The following FER variants were observed in gnomAD, a reference collection of about 807,000 sequenced individuals.
FER encodes FER tyrosine kinase.
A neutral mutation model predicts 111.0 loss-of-function variants in FER; 63 were observed. That is an observed-to-expected ratio of 0.57 (90% CI 0.46 to 0.70). The LOEUF (loss-of-function observed/expected upper bound fraction) is 0.70. FER is among the 30% of genes least tolerant of loss of function. The pLI is 0.00. For missense variants in FER, 914 were observed against 954.0 expected (o/e 0.96, Z 0.55); for synonymous variants, 327 against 313.9 (o/e 1.04, Z -0.44).
chr5:108,810,435 A>T (rs1257499390), intron 3 of FER, among the ~76,000 whole-genome samples: 1 of 152,208 alleles, frequency 6.6e-6, no homozygotes, highest in Non-Finnish European at 1.5e-5. Flanking sequence ...CGGACTGGGC[A>T]GGCCTGCCTA....
intron 16 of FER, among the ~76,000 whole-genome samples, chr5:109,092,285 A>C (rs1303367858): frequency 1.3e-4 from 1 of 7,610 alleles, no homozygotes; most frequent in Non-Finnish European, 3.1e-4. Flanking sequence ...TTATGATGGC[A>C]AAAAAAAAAA....
chr5:108,933,569 C>T (rs926781821), intron 10 of FER, among the ~76,000 whole-genome samples: 1 of 152,102 alleles, frequency 6.6e-6, no homozygotes, highest in African/African-American at 2.4e-5. Context: ...ATTATCTTGG[C>T]TGTATAGGCT....
intron 10 of FER, among the ~76,000 whole-genome samples, chr5:108,912,056 A>G (rs1463417782): frequency 1.3e-5 from 2 of 151,988 alleles, no homozygotes; most frequent in Non-Finnish European, 2.9e-5. Context: ...CTTGGCTCTC[A>G]TTCTCTCGTC....
chr5:108,983,628 T>G (rs919974483), intron 13 of FER, among the ~76,000 whole-genome samples: 7 of 152,170 alleles, frequency 4.6e-5, no homozygotes, highest in Admixed American at 3.3e-4. Context: ...ATGGAATTCC[T>G]AAGTTGAGAG....
At chr5:108,962,238 C>T (rs1561683810) in intron 13 of FER, among the ~76,000 whole-genome samples, 2 of 152,146 alleles carry the variant, frequency 1.3e-5, no homozygotes, top group Non-Finnish European at 2.9e-5. Context: ...CTTGTGTAAA[C>T]ATATGGAAGA....
At chr5:108,927,250 C>CTTTTTTTTTTTTTTTTTTT (rs773963733) in intron 10 of FER, among the ~76,000 whole-genome samples, 9 of 95,372 alleles carry the variant, frequency 9.4e-5, no homozygotes, top group South Asian at 2.6e-4. Flanking sequence ...TGAGAAGTGG[C>CTTTTTTTTTTTTTTTTTTT]TCTTTTTTTT....
intron 13 of FER, among the ~76,000 whole-genome samples, chr5:109,012,004 A>T (rs982315748): frequency 1.3e-5 from 2 of 152,122 alleles, no homozygotes; most frequent in African/African-American, 4.8e-5. Flanking sequence ...TTTTCTCCCC[A>T]GCAGAGCCTA....
At chr5:109,029,245 C>CT (rs367692424) in intron 13 of FER, among the ~76,000 whole-genome samples, 7,581 of 125,846 alleles carry the variant, frequency 0.06, 265 homozygotes, top group South Asian at 0.11. Context: ...TTCTTCTTAC[C>CT]TTTTTTTTTT....
At chr5:109,033,693 T>C (rs1769963405) in intron 13 of FER, among the ~76,000 whole-genome samples, 1 of 152,128 alleles carries the variant, frequency 6.6e-6, no homozygotes, top group African/African-American at 2.4e-5. Flanking sequence ...CCCATCTTTA[T>C]CCAATTTAAC....
At chr5:109,051,962 C>T in intron 16 of FER, 1 of 1,590,322 alleles carries the variant, frequency 6.3e-7, no homozygotes, top group Non-Finnish European at 8.6e-7. Flanking sequence ...AAGGTCACCT[C>T]AAAGATAGAC....
intron 10 of FER, among the ~76,000 whole-genome samples, chr5:108,930,699 T>C (rs1390676697): frequency 6.9e-6 from 1 of 145,870 alleles, no homozygotes; most frequent in East Asian, 2.1e-4. Context: ...CTGCAACCTC[T>C]GTCTCCTGAG....
chr5:108,986,888 G>T (rs1051996464), intron 13 of FER, among the ~76,000 whole-genome samples: 3 of 152,046 alleles, frequency 2.0e-5, no homozygotes, highest in Non-Finnish European at 2.9e-5. Context: ...GATGCCTCCA[G>T]ATTTGTTCTT....
At chr5:109,042,530 G>C (rs767965731) in intron 14 of FER, among the ~76,000 whole-genome samples, 1 of 152,164 alleles carries the variant, frequency 6.6e-6, no homozygotes, top group East Asian at 1.9e-4. Flanking sequence ...CCTGACCACC[G>C]TTGATAAAGT....
At chr5:108,941,361 ACTGT>A (rs1180622746) in intron 10 of FER, among the ~76,000 whole-genome samples, 2 of 152,126 alleles carry the variant, frequency 1.3e-5, no homozygotes, top group African/African-American at 2.4e-5. Flanking sequence ...TTTTATACAA[ACTGT>A]CTGGCCTACA....
chr5:109,136,113 G>A (rs879581709), intron 17 of FER, among the ~76,000 whole-genome samples: 2 of 151,696 alleles, frequency 1.3e-5, no homozygotes, highest in African/African-American at 2.4e-5. Context: ...AAAAGTAGTC[G>A]AGCGTAGTGG....
intron 3 of FER, among the ~76,000 whole-genome samples, chr5:108,825,260 GT>G (rs1043978459): frequency 5.9e-4 from 90 of 152,272 alleles, no homozygotes; most frequent in African/African-American, 2.1e-3. Context: ...GGAGACTGGA[GT>G]TTATTTCACC....
At chr5:109,043,359 T>G (rs1277238441) in intron 14 of FER, among the ~76,000 whole-genome samples, 1 of 152,164 alleles carries the variant, frequency 6.6e-6, no homozygotes, top group Non-Finnish European at 1.5e-5. Flanking sequence ...GAAGCTCAAA[T>G]TTTCCTTTTT....
At chr5:108,798,458 A>ATAGTTTGAG in intron 3 of FER, 69 bp downstream of exon 3, 1 of 1,159,504 alleles carries the variant, frequency 8.6e-7, no homozygotes, top group Non-Finnish European at 1.3e-6. Flanking sequence ...AATAGCTCAA[A>ATAGTTTGAG]CTATTGAATG....
At chr5:108,941,132 C>A (rs927441398) in intron 10 of FER, among the ~76,000 whole-genome samples, 3 of 152,036 alleles carry the variant, frequency 2.0e-5, no homozygotes, top group Non-Finnish European at 2.9e-5. Flanking sequence ...AGGGAGGATG[C>A]TAGAATCTCA....
Sources: allele counts gnomAD v4.1 joint callset (sites outside exome capture counted in the v4.1 genomes callset), GRCh38; gene constraint gnomAD v4.1.1; transcripts MANE v1.5; gene names NCBI Gene and HGNC (gene_info 2026-07-23, HGNC 2026-07-21).